Variants in MECOM observed in about 807,000 individuals in gnomAD.
MECOM encodes MDS1 and EVI1 complex locus.
In MECOM, 13 loss-of-function variants were observed where a neutral mutation model predicts 116.3. The ratio of observed to expected loss-of-function variants is 0.11; its 90% CI spans 0.07 to 0.18. The LOEUF is 0.18. Ranked by LOEUF, MECOM falls within the 10% of genes least tolerant of loss-of-function variation. The pLI is 1.00. For synonymous variants in MECOM, 528 were observed against 535.2 expected, an observed-to-expected ratio of 0.99 and a Z score of 0.19; for missense variants, 1,299 against 1,509.0, an observed-to-expected ratio of 0.86 and a Z score of 2.31.
At chr3:169,586,331 A>T (rs901027440) in intron 1 of MECOM, among the ~76,000 whole-genome samples, 2 of 152,222 alleles carry the variant, frequency 1.3e-5, no homozygotes, top group African/African-American at 4.8e-5. Flanking sequence ...TTTATATTTT[A>T]AGCATCTAAA....
intron 2 of MECOM, among the ~76,000 whole-genome samples, chr3:169,375,335 TG>T (rs1293016388): frequency 1.3e-5 from 2 of 151,662 alleles, no homozygotes; most frequent in East Asian, 1.9e-4. Flanking sequence ...AGAGCACAAC[TG>T]AAGAAGATAG....
At chr3:169,633,967 G>A (rs1014644076) in intron 1 of MECOM, among the ~76,000 whole-genome samples, 10 of 150,762 alleles carry the variant, frequency 6.6e-5, no homozygotes, top group Admixed American at 1.3e-4. Context: ...GTTGAGAAAC[G>A]GCATGGCTTG....
intron 2 of MECOM, among the ~76,000 whole-genome samples, chr3:169,245,962 C>G (rs1381239901): frequency 1.3e-5 from 2 of 152,112 alleles, no homozygotes; most frequent in Non-Finnish European, 2.9e-5. Context: ...GTCTGCCAAG[C>G]CTTTTTTTTC....
chr3:169,521,472 T>C (rs1011087116), intron 1 of MECOM, among the ~76,000 whole-genome samples: 39 of 152,160 alleles, frequency 2.6e-4, no homozygotes, highest in Non-Finnish European at 4.7e-4. Context: ...CATGTACTTT[T>C]TCATTGGAGG....
intron 2 of MECOM, among the ~76,000 whole-genome samples, chr3:169,337,615 G>A (rs1481655997): frequency 6.6e-6 from 1 of 152,104 alleles, no homozygotes; most frequent in East Asian, 1.9e-4. Context: ...AACCAGGAAT[G>A]TACACATGCT....
At chr3:169,589,729 G>A (rs1052930200) in intron 1 of MECOM, among the ~76,000 whole-genome samples, 3 of 152,128 alleles carry the variant, frequency 2.0e-5, no homozygotes, top group African/African-American at 7.2e-5. Context: ...GTAGAAGCAA[G>A]TTATTTCTCA....
In MECOM at chr3:169,472,508, G is replaced by GAAAAGAAAAGA. The variant is rs1560317589; in HGVS notation, c.38-90985_38-90984insTCTTTTCTTTT. ...GAAAGGAAAGGAAAGGAAAGGAAAGGAAAGGAAAGGAAAGAAAAGAAAAGA... is the reference window on the plus strand; with the variant it reads ...GAAAGGAAAGGAAAGGAAAGGAAAGGAAAAGAAAAGAAAAGGAAAGGAAAGAAAAGAAAAGA... On this transcript the variant is annotated intron_variant, in intron 1 of 16. Coordinates refer to ENST00000651503, the MANE Select transcript of MECOM (RefSeq NM_004991.4). Among the ~76,000 whole-genome samples the GAAAAGAAAAGA allele has an allele frequency of 4.2e-4, 35 of 84,144 alleles. 2 individuals carry two copies. Among genetic ancestry groups the GAAAAGAAAAGA allele is most frequent in the East Asian group, 2.8e-3 (9 of 3,250 alleles). The allele number at this position is 84,144 out of a possible 152,430, so 55.2% of individuals were successfully genotyped here.
At chr3:169,387,659 TAAG>T (rs960182150) in intron 1 of MECOM, among the ~76,000 whole-genome samples, 1 of 152,202 alleles carries the variant, frequency 6.6e-6, no homozygotes, top group African/African-American at 2.4e-5. Context: ...CTGTAGTTAT[TAAG>T]AAGTTAATTA....
intron 1 of MECOM, among the ~76,000 whole-genome samples, chr3:169,619,032 T>G (rs1321563748): frequency 6.7e-6 from 1 of 149,588 alleles, no homozygotes; most frequent in African/African-American, 2.5e-5. Flanking sequence ...AAAAAAAAAG[T>G]CCACTCTTTT....
At chr3:169,095,574 A>G (rs944443738) in intron 12 of MECOM, among the ~76,000 whole-genome samples, 11 of 152,196 alleles carry the variant, frequency 7.2e-5, no homozygotes, top group Non-Finnish European at 1.6e-4. Flanking sequence ...GCTTAGGACA[A>G]TACAACTAAT....
chr3:169,617,267 C>G (rs1770129307), intron 1 of MECOM, among the ~76,000 whole-genome samples: 1 of 152,118 alleles, frequency 6.6e-6, no homozygotes. Context: ...TTTTTATAAC[C>G]TTACAATAAA....
At chr3:169,580,305 A>G (rs1764980398) in intron 1 of MECOM, among the ~76,000 whole-genome samples, 1 of 152,034 alleles carries the variant, frequency 6.6e-6, no homozygotes. Context: ...GATTTCTGAG[A>G]TTTTGGTGGA....
At chr3:169,646,808 A>G (rs1403468643) in intron 1 of MECOM, among the ~76,000 whole-genome samples, 1 of 152,214 alleles carries the variant, frequency 6.6e-6, no homozygotes, top group Non-Finnish European at 1.5e-5. Flanking sequence ...TTAGCTTGTG[A>G]TGTCAGGCAA....
At position 169,092,948 on chromosome 3, in the gene MECOM, A is replaced by G; in HGVS notation, c.3164+10T>C. ...CGTCACAGAGTTTAAAAAGTAAAAG[A>G]CAGCTTTACCTCTCCTCCACATTCC... On this transcript the variant is annotated intron_variant, in intron 14 of 16. Coordinates refer to ENST00000651503, the MANE Select transcript of MECOM (RefSeq NM_004991.4). 1 of 1,613,152 alleles carries G rather than the reference A, an allele frequency of 6.2e-7. No individual in the cohort carries two copies. Among genetic ancestry groups the G allele is most frequent in the Non-Finnish European group, 8.5e-7 (1 of 1,179,644 alleles).
chr3:169,200,994 A>ACT (rs1473973358), intron 2 of MECOM, among the ~76,000 whole-genome samples: 1 of 152,028 alleles, frequency 6.6e-6, no homozygotes, highest in Non-Finnish European at 1.5e-5. Context: ...AAGCTATCTT[A>ACT]CTCTCATCAC....
chr3:169,409,500 G>T (rs1041951997), intron 1 of MECOM, among the ~76,000 whole-genome samples: 1 of 152,038 alleles, frequency 6.6e-6, no homozygotes, highest in Non-Finnish European at 1.5e-5. Flanking sequence ...AACCTATCTA[G>T]CCCCAAACCA....
At chr3:169,249,554 G>A (rs770218403) in intron 2 of MECOM, among the ~76,000 whole-genome samples, 1 of 152,062 alleles carries the variant, frequency 6.6e-6, no homozygotes, top group East Asian at 1.9e-4. Flanking sequence ...AGCCTGATAG[G>A]GTAGCCAGCT....
chr3:169,633,598 A>G (rs1772349643), intron 1 of MECOM, among the ~76,000 whole-genome samples: 1 of 152,164 alleles, frequency 6.6e-6, no homozygotes, highest in African/African-American at 2.4e-5. Flanking sequence ...CACAGCCAGC[A>G]CAGAATAATT....
In MECOM at chr3:169,146,487, A is replaced by C. The variant is rs1420477; in HGVS notation, c.376-2655T>G. 10,409 of 1,382,198 alleles carry C rather than the reference A, an allele frequency of 7.5e-3. 697 individuals are homozygous for C. The African/African-American group carries it at 0.14, about 18-fold the overall frequency. 85.6% of individuals were successfully genotyped at this position (1,382,198 alleles called of 1,614,324 possible). A position where few individuals can be genotyped will look rare whatever the true frequency, so the allele number is the denominator to read the frequency against. On this transcript the variant is annotated intron_variant, in intron 2 of 16. Coordinates refer to ENST00000651503, the MANE Select transcript of MECOM (RefSeq NM_004991.4). ...GGCAGAGAAACCCACCGAAGGCCGG[A>C]CGACCCACCCCGGAGACGTGTCCAG...
Sources: allele counts gnomAD v4.1 joint callset (sites outside exome capture counted in the v4.1 genomes callset), GRCh38; gene constraint gnomAD v4.1.1; transcripts MANE v1.5; gene names NCBI Gene and HGNC (gene_info 2026-07-23, HGNC 2026-07-21).